Variants in TRPV6 observed in about 807,000 individuals in gnomAD.
The protein encoded by TRPV6 is transient receptor potential cation channel subfamily V member 6.
Under a neutral mutation model 79.0 loss-of-function variants are expected in TRPV6, and 39 were observed. That is an observed-to-expected ratio of 0.49 (90% CI 0.38 to 0.64). The LOEUF is 0.64. TRPV6 is among the 30% of genes least tolerant of loss of function. The pLI is 0.00. For synonymous variants in TRPV6, 373 were observed against 391.9 expected, an observed-to-expected ratio of 0.95 and a Z score of 0.57; for missense variants, 813 against 1,011.1, an observed-to-expected ratio of 0.80 and a Z score of 2.66.
In TRPV6 at chr7:142,873,738, G is replaced by A. The variant is rs145965341; in HGVS notation, c.1640-22C>T. The A allele has an allele frequency of 0.017, 27,139 of 1,610,562 alleles. 278 individuals are homozygous for A. Among genetic ancestry groups the A allele is most frequent in the Non-Finnish European group, 0.021 (24,406 of 1,177,094 alleles). On this transcript the variant is annotated intron_variant, in intron 12 of 14. Coordinates refer to ENST00000359396, the MANE Select transcript of TRPV6 (RefSeq NM_018646.6). This position sits in a 1 kb window ranked among gnomAD's most constrained non-coding sequence, Gnocchi z 4.8. Reference sequence around the variant, plus strand: ...AAGGCTGCTCCACCCAAGGGGGTGAGGGTTACCATGGCAACCATGCAGACG... The same window carrying A: ...AAGGCTGCTCCACCCAAGGGGGTGAAGGTTACCATGGCAACCATGCAGACG...
intron 4 of TRPV6, 112 bp downstream of exon 4, chr7:142,877,030 C>T: frequency 1.4e-6 from 2 of 1,476,046 alleles, no homozygotes; most frequent in Admixed American, 2.2e-5. Context: ...AGGATTGCTC[C>T]TCCCAGCTGC....
chr7:142,877,720 C>T lies in TRPV6; in HGVS notation c.400G>A (p.Ala134Thr). ...GCAGCCTCCATCAGCACCATGGCGG[C>T]CTCCAGGTTGTCATAGAGGGCTGCT... Residue 134 changes from alanine to threonine, a missense_variant, in exon 3 of 15, where the codon GCC becomes ACC. This residue lies in a region of TRPV6 where 555 missense variants were observed against 631.0 expected (regional missense o/e 0.88). Transcript: ENST00000359396. 6.2e-7 allele frequency: 1 copy of T among 1,614,222 alleles called. No homozygotes were observed. Among genetic ancestry groups the T allele is most frequent in the Non-Finnish European group, 8.5e-7 (1 of 1,180,038 alleles).
At chr7:142,880,539 G>A (rs1282877305) in intron 1 of TRPV6, 2 of 152,178 alleles carry the variant, frequency 1.3e-5, no homozygotes, top group East Asian at 3.9e-4. Context: ...GTCCGAGAGA[G>A]CACCTTTTCC....
chr7:142,885,339 A>G, intron 1 of TRPV6, 50 bp downstream of exon 1: 1 of 1,548,024 alleles, frequency 6.5e-7, no homozygotes, highest in Non-Finnish European at 8.7e-7. Flanking sequence ...TGAGGGGTAG[A>G]GGTGCAGGCC....
chr7:142,877,259 C>T lies in TRPV6; in HGVS notation c.490G>A (p.Ala164Thr), dbSNP rs769078836. 3.7e-6 allele frequency: 6 copies of T among 1,614,102 alleles called. No homozygotes were observed. Among genetic ancestry groups the T allele is most frequent in the African/African-American group, 2.7e-5 (2 of 74,946 alleles). The change falls in exon 4 of 15, where the codon GCT becomes ACT. Residue 164 changes from alanine to threonine, a missense_variant. This residue lies in a region of TRPV6 where 555 missense variants were observed against 631.0 expected (regional missense o/e 0.88). Coordinates refer to ENST00000359396, the MANE Select transcript of TRPV6 (RefSeq NM_018646.6). ...AGGTTCATGTTCTGGTTCACAACAG[C>T]GATGTGCAGTGCAGTCTGACCTGGC...
In TRPV6 at chr7:142,874,930, G is replaced by T; in HGVS notation, c.1380C>A (p.Ile460=). 1 of 1,614,172 alleles carries T rather than the reference G, an allele frequency of 6.2e-7. No homozygotes were observed. Among genetic ancestry groups the T allele is most frequent in the African/African-American group, 1.3e-5 (1 of 75,040 alleles). ...TGAGGACATGGAATGGGCCCCCAAGGATGGTCTGTCCAAAGAAGCGAGTGA... is the reference window on the plus strand; with the variant it reads ...TGAGGACATGGAATGGGCCCCCAAGTATGGTCTGTCCAAAGAAGCGAGTGA... The change falls in exon 10 of 15, where the codon ATC becomes ATA. Residue 460 remains isoleucine, a synonymous_variant. Transcript: ENST00000359396.
At position 142,885,735 on chromosome 7, in the gene TRPV6, G is replaced by C. The variant is rs1586198356; in HGVS notation, c.-99C>G. ...GAGTTTGTTACACTTGGCAGAGCCA[G>C]CCAGGACTCTGCAGGGCTGGCCTGT... On this transcript the variant is annotated 5_prime_UTR_variant, in exon 1 of 15. Transcript: ENST00000359396. The C allele has an allele frequency of 7.1e-6, 4 of 561,566 alleles. No homozygotes were observed. The highest frequency in any genetic ancestry group is 4.9e-4 in the Middle Eastern group (1 of 2,060). 34.8% of individuals were successfully genotyped at this position (561,566 alleles called of 1,614,324 possible). A position where few individuals can be genotyped will look rare whatever the true frequency, so the allele number is the denominator to read the frequency against.
Position 142,874,477 on chromosome 7 carries a change from G to T in TRPV6, c.1572+14C>A, listed in dbSNP as rs537175566. On this transcript the variant is annotated intron_variant, in intron 11 of 14. Transcript: ENST00000359396. ...CTGGGGCCTTTCTCTAGGGAGCTTG[G>T]GGGGAGGACTGACCTTCTGAATCAT... The T allele has an allele frequency of 1.7e-5, 27 of 1,613,726 alleles. No homozygotes were observed. Among genetic ancestry groups the T allele is most frequent in the Admixed American group, 3.3e-5 (2 of 59,994 alleles).
intron 9 of TRPV6, 23 bp from the exon 10 acceptor site, chr7:142,875,003 A>G (rs756789944): frequency 1.2e-6 from 2 of 1,614,094 alleles, no homozygotes; most frequent in Non-Finnish European, 1.7e-6. Flanking sequence ...GGGAGACACA[A>G]AGGCACTCAG....
chr7:142,872,105 T>C, intron 14 of TRPV6, 116 bp from the exon 15 acceptor site: 1 of 1,417,498 alleles, frequency 7.1e-7, no homozygotes, highest in Non-Finnish European at 9.4e-7. Flanking sequence ...CCTTTTCCCT[T>C]TTCTGCAGCC....
Position 142,877,925 on chromosome 7 carries a change from T to C in TRPV6, c.346+4A>G, listed in dbSNP as rs1182099591. 7.4e-6 allele frequency: 12 copies of C among 1,614,184 alleles called. No homozygotes were observed. The highest frequency in any genetic ancestry group is 1.0e-5 in the Non-Finnish European group (12 of 1,179,994). Reference sequence around the variant, plus strand: ...GGAGATCATGCTGCATTTGTGCTTCTTACCTCTCTGGTGCACCTTGCAATC... The same window carrying C: ...GGAGATCATGCTGCATTTGTGCTTCCTACCTCTCTGGTGCACCTTGCAATC... On this transcript the variant is annotated splice_donor_region_variant and intron_variant, in intron 2 of 14. Transcript: ENST00000359396.
At chr7:142,878,679 GTTCATTCATTCATTCATTCA>G (rs17881330) in intron 1 of TRPV6, 7 of 151,138 alleles carry the variant, frequency 4.6e-5, no homozygotes, top group African/African-American at 1.7e-4. Context: ...CCTCATAGGT[GTTCATTCATTCATTCATTCA>G]TTCATTCATT....
intron 3 of TRPV6, 167 bp from the exon 4 acceptor site, chr7:142,877,446 C>T (rs1795099860): frequency 1.4e-6 from 2 of 1,464,218 alleles, no homozygotes; most frequent in African/African-American, 2.8e-5. Flanking sequence ...CCATCTCTTC[C>T]TCTTCTCTAG....
In TRPV6 at chr7:142,873,562, G is replaced by A. The variant is rs1197353327; in HGVS notation, c.1794C>T (p.Thr598=). 6.2e-7 allele frequency: 1 copy of A among 1,614,224 alleles called. No individual in the cohort carries two copies. The highest frequency in any genetic ancestry group is 8.5e-7 in the Non-Finnish European group (1 of 1,180,046). Residue 598 remains threonine (T), a synonymous_variant, in exon 13 of 15, where the codon ACC becomes ACT. Transcript: ENST00000359396. This position sits in a 1 kb window ranked among gnomAD's most constrained non-coding sequence, Gnocchi z 4.8. ...TGGCGATGATGGCAAAGGCAGCATA[G>A]GTGATGCTGTACATGAAGGGCAGGT...
At position 142,873,353 on chromosome 7, in the gene TRPV6, A is replaced by G; in HGVS notation, c.1908+95T>C. 1 of 1,524,966 alleles carries G rather than the reference A, an allele frequency of 6.6e-7. No homozygotes were observed. Among genetic ancestry groups the G allele is most frequent in the Non-Finnish European group, 8.9e-7 (1 of 1,122,168 alleles). The allele number at this position is 1,524,966 out of a possible 1,614,324, so 94.5% of individuals were successfully genotyped here. On this transcript the variant is annotated intron_variant, in intron 13 of 14. Coordinates refer to ENST00000359396, the MANE Select transcript of TRPV6 (RefSeq NM_018646.6). The surrounding 1 kb of genome is among the most constrained non-coding windows in gnomAD (Gnocchi z 4.8). The stretch of plus-strand genomic sequence containing the variant: ...AGCTTTGCCACAACTGTCCAAACAT[A>G]AGTGGGGTGGAGATATCCTGTCTCT...
At chr7:142,884,980 T>C (rs4987605) in intron 1 of TRPV6, 30,796 of 156,700 alleles carry the variant, frequency 0.2, 6,344 homozygotes, top group African/African-American at 0.53. Context: ...TGCGAACATA[T>C]GTATACTATG....
intron 3 of TRPV6, 111 bp downstream of exon 3, chr7:142,877,540 A>G: frequency 6.6e-7 from 1 of 1,518,044 alleles, no homozygotes. Flanking sequence ...AGAAAAAAAG[A>G]GTAGGAGGCT....
Position 142,871,854 on chromosome 7 carries a change from C to T in TRPV6, c.2151G>A (p.Leu717=). Residue 717 remains leucine, a synonymous_variant, in exon 15 of 15, where the codon CTG becomes CTA. Coordinates refer to ENST00000359396, the MANE Select transcript of TRPV6 (RefSeq NM_018646.6). ...GAGACACTGAGGGCATAGGAAGGGA[C>T]AGGTGGGGGCTGAAGGGACAGCCCA... is the stretch of plus-strand genomic sequence containing the variant. The T allele has an allele frequency of 6.2e-7, 1 of 1,614,158 alleles. No homozygotes were observed. The highest frequency in any genetic ancestry group is 8.5e-7 in the Non-Finnish European group (1 of 1,180,022).
In TRPV6 at chr7:142,872,689, G is replaced by A. The variant is rs376618633; in HGVS notation, c.1909-211C>T. Among the ~76,000 whole-genome samples, 71 of 152,316 alleles carry A rather than the reference G, an allele frequency of 4.7e-4. 1 individual carries two copies. The highest frequency in any genetic ancestry group is 3.3e-3 in the East Asian group (17 of 5,188). On this transcript the variant is annotated intron_variant, in intron 13 of 14. Transcript: ENST00000359396. ...CAGAAGCCCCATTCCCAGGAGCACA[G>A]GCACCAGAGAAAGCAAATAGAAAGG...
Sources: allele counts gnomAD v4.1 joint callset (sites outside exome capture counted in the v4.1 genomes callset), GRCh38; gene constraint gnomAD v4.1.1; regional missense constraint gnomAD v4.1.1; non-coding constraint Gnocchi (gnomAD v3.1); transcripts MANE v1.5; gene names NCBI Gene and HGNC (gene_info 2026-07-23, HGNC 2026-07-21).